Variants in ASAP1 observed in about 807,000 individuals in gnomAD.
ASAP1 encodes the protein ArfGAP with SH3 domain, ankyrin repeat and PH domain 1, also known as arf-GAP with SH3 domain, ANK repeat and PH domain-containing protein 1.
ASAP1 carries 43 observed loss-of-function variants against 145.2 expected under a neutral mutation model. The observed-to-expected ratio is 0.30, with a 90% CI of 0.23 to 0.38. ASAP1 has a LOEUF of 0.38. Among genes scored for constraint, ASAP1 ranks in the 10% least tolerant of loss-of-function variants. ASAP1 has a pLI of 1.00. For missense variants in ASAP1, 1,018 were observed against 1,355.3 expected (o/e 0.75, Z 3.91); for synonymous variants, 546 against 515.5 (o/e 1.06, Z -0.80).
At chr8:130,182,663 A>G (rs776523039) in intron 7 of ASAP1, among the ~76,000 whole-genome samples, 1 of 152,142 alleles carries the variant, frequency 6.6e-6, no homozygotes, top group Non-Finnish European at 1.5e-5. Context: ...CCCAAAGATT[A>G]TAAGTCTCCA....
intron 27 of ASAP1, among the ~76,000 whole-genome samples, chr8:130,064,656 T>C (rs2097426540): frequency 6.6e-6 from 1 of 152,016 alleles, no homozygotes; most frequent in Non-Finnish European, 1.5e-5. Context: ...CAGCCAGGTG[T>C]CTTCCAATCC....
intron 5 of ASAP1, among the ~76,000 whole-genome samples, chr8:130,212,410 G>A (rs997555663): frequency 2.6e-5 from 4 of 152,222 alleles, no homozygotes; most frequent in Non-Finnish European, 5.9e-5. Flanking sequence ...GGAGTAGCTT[G>A]ATCAGTACTT....
intron 2 of ASAP1, among the ~76,000 whole-genome samples, chr8:130,368,909 T>A (rs952075806): frequency 7.2e-5 from 11 of 152,176 alleles, no homozygotes; most frequent in African/African-American, 2.7e-4. Flanking sequence ...CTAGTCTGAG[T>A]TGGGTTTCTA....
rs185662990 is a variant in ASAP1, at chr8:130,399,433, G to A, written c.59+2452C>T. Among the ~76,000 whole-genome samples, 196 of 151,954 alleles carry A rather than the reference G, an allele frequency of 1.3e-3. 1 individual carries two copies. Among genetic ancestry groups the A allele is most frequent in the African/African-American group, 4.6e-3 (189 of 41,416 alleles). ...TGCAAAATGAATGCCATTTTGTGCTGGACTCTTGACTTAAAAAAAGAAAAA... is the reference window on the plus strand; with the variant it reads ...TGCAAAATGAATGCCATTTTGTGCTAGACTCTTGACTTAAAAAAAGAAAAA... On this transcript the variant is annotated intron_variant, in intron 2 of 29. Transcript: ENST00000518721.
intron 3 of ASAP1, among the ~76,000 whole-genome samples, chr8:130,253,653 G>A (rs1819339647): frequency 6.6e-6 from 1 of 152,104 alleles, no homozygotes; most frequent in Non-Finnish European, 1.5e-5. Flanking sequence ...ATAATTATAT[G>A]GCATTAGAAC....
At chr8:130,074,582 T>G (rs763080051) in intron 27 of ASAP1, among the ~76,000 whole-genome samples, 42 of 151,376 alleles carry the variant, frequency 2.8e-4, no homozygotes, top group Non-Finnish European at 5.2e-4. Context: ...GCAAGTCAGA[T>G]GGAAGGAAAC....
chr8:130,122,636 G>A (rs2097568333), intron 18 of ASAP1, among the ~76,000 whole-genome samples: 1 of 152,214 alleles, frequency 6.6e-6, no homozygotes, highest in African/African-American at 2.4e-5. Flanking sequence ...AAAGTTACTT[G>A]TCCAAGGTCA....
At chr8:130,073,622 A>C (rs1404007589) in intron 27 of ASAP1, among the ~76,000 whole-genome samples, 1 of 152,206 alleles carries the variant, frequency 6.6e-6, no homozygotes, top group African/African-American at 2.4e-5. Flanking sequence ...ACACAAGTAC[A>C]TAGCGTTCCA....
chr8:130,384,465 C>T (rs1382636589), intron 2 of ASAP1, among the ~76,000 whole-genome samples: 1 of 152,208 alleles, frequency 6.6e-6, no homozygotes, highest in South Asian at 2.1e-4. Context: ...AGTCAGAAGA[C>T]GTGGGATTCA....
At chr8:130,373,001 C>T (rs1485961136) in intron 2 of ASAP1, among the ~76,000 whole-genome samples, 1 of 144,926 alleles carries the variant, frequency 6.9e-6, no homozygotes, top group Non-Finnish European at 1.5e-5. Flanking sequence ...CATACACAGA[C>T]ACAGACACAC....
chr8:130,222,901 C>T (rs1817377575), intron 4 of ASAP1, among the ~76,000 whole-genome samples: 1 of 152,118 alleles, frequency 6.6e-6, no homozygotes, highest in Admixed American at 6.6e-5. Flanking sequence ...AGTGCAGGAG[C>T]CTCTAGAAGT....
At chr8:130,374,484 C>T (rs1002291397) in intron 2 of ASAP1, among the ~76,000 whole-genome samples, 5 of 152,174 alleles carry the variant, frequency 3.3e-5, no homozygotes, top group Admixed American at 6.5e-5. Context: ...AGGCCGGGCG[C>T]GGTGGCGCAC....
intron 13 of ASAP1, among the ~76,000 whole-genome samples, chr8:130,149,338 T>C: frequency 6.6e-6 from 1 of 151,350 alleles, no homozygotes; most frequent in East Asian, 1.9e-4. Flanking sequence ...CTGCATTACT[T>C]TGAATAGTTG....
chr8:130,145,797 C>T (rs1300483552), intron 13 of ASAP1, among the ~76,000 whole-genome samples: 1 of 151,758 alleles, frequency 6.6e-6, no homozygotes, highest in Non-Finnish European at 1.5e-5. Context: ...TTAACTCAGC[C>T]TTAAGGTCAC....
intron 1 of ASAP1, among the ~76,000 whole-genome samples, chr8:130,429,613 T>C (rs1371321540): frequency 6.6e-6 from 1 of 152,222 alleles, no homozygotes; most frequent in Non-Finnish European, 1.5e-5. Flanking sequence ...GATTACCCTC[T>C]GTAGACTCTG....
At chr8:130,410,345 G>A (rs1280112700) in intron 1 of ASAP1, among the ~76,000 whole-genome samples, 1 of 152,138 alleles carries the variant, frequency 6.6e-6, no homozygotes, top group African/African-American at 2.4e-5. Context: ...AGAATTTTGT[G>A]ACTCTTAGAA....
chr8:130,272,513 G>A (rs1051059532), intron 3 of ASAP1, among the ~76,000 whole-genome samples: 1 of 152,092 alleles, frequency 6.6e-6, no homozygotes, highest in African/African-American at 2.4e-5. Flanking sequence ...TTCTCCAAAC[G>A]AAAGGAAATC....
At chr8:130,261,299 G>C (rs1819881294) in intron 3 of ASAP1, among the ~76,000 whole-genome samples, 1 of 152,220 alleles carries the variant, frequency 6.6e-6, no homozygotes, top group Non-Finnish European at 1.5e-5. Flanking sequence ...ATAATGTTCT[G>C]AAGGGAAAAG....
intron 4 of ASAP1, among the ~76,000 whole-genome samples, chr8:130,216,430 G>A (rs772276713): frequency 1.4e-4 from 21 of 152,190 alleles, no homozygotes; most frequent in Admixed American, 2.6e-4. Flanking sequence ...CTGACATAAA[G>A]TATATAAAAG....
Sources: gnomAD v4.1 joint callset for allele counts (sites outside exome capture counted in the v4.1 genomes callset) on GRCh38, gnomAD v4.1.1 for gene constraint, MANE v1.5 for transcripts, NCBI Gene and HGNC (gene_info 2026-07-23, HGNC 2026-07-21) for gene names.